TSC1: variants seen among roughly 807,000 people sequenced by gnomAD.
TSC1 encodes hamartin.
TSC1 carries 20 observed loss-of-function variants against 124.3 expected under a neutral mutation model. The ratio of observed to expected loss-of-function variants is 0.16; its 90% CI spans 0.11 to 0.23. The LOEUF (loss-of-function observed/expected upper bound fraction) is 0.23. Ranked by LOEUF, TSC1 falls within the 10% of genes least tolerant of loss-of-function variation. The pLI, the probability that TSC1 is intolerant of heterozygous loss-of-function variation, is 1.00. For synonymous variants in TSC1, 493 were observed against 539.1 expected (o/e 0.91, Z 1.19); for missense variants, 1,124 against 1,448.5 (o/e 0.78, Z 3.64).
At chr9:132,909,870 C>T (rs1845850805) in intron 12 of TSC1, 2 of 152,176 alleles carry the variant, frequency 1.3e-5, no homozygotes. Context: ...GAATGCAAGG[C>T]CTCTTGGGAT....
Position 132,902,924 on chromosome 9 carries a change from T to A in TSC1, c.2209-137A>T. On this transcript the variant is annotated intron_variant, in intron 17 of 22. Transcript: ENST00000298552. The surrounding 1 kb of genome is among the most constrained non-coding windows in gnomAD (Gnocchi z 5.2). Reference sequence around the variant, plus strand: ...AACTACAGACCAAAACTCTTAGAGCTCACTACTGTCTTACTTGGCCTTAGG... The same window carrying A: ...AACTACAGACCAAAACTCTTAGAGCACACTACTGTCTTACTTGGCCTTAGG... 2 of 1,122,712 alleles carry A rather than the reference T, an allele frequency of 1.8e-6. No homozygotes were observed. Among genetic ancestry groups the A allele is most frequent in the South Asian group, 1.3e-5 (1 of 78,232 alleles). 69.5% of individuals were successfully genotyped at this position (1,122,712 alleles called of 1,614,324 possible). A position where few individuals can be genotyped will look rare whatever the true frequency, so the allele number is the denominator to read the frequency against.
intron 12 of TSC1, among the ~76,000 whole-genome samples, chr9:132,907,792 A>G (rs1845750406): frequency 6.6e-6 from 1 of 152,200 alleles, no homozygotes; most frequent in Non-Finnish European, 1.5e-5. Context: ...TATAGTCTTA[A>G]AAAATGGCTG....
intron 2 of TSC1, among the ~76,000 whole-genome samples, chr9:132,933,929 T>C (rs1847330010): frequency 6.6e-6 from 1 of 152,156 alleles, no homozygotes; most frequent in African/African-American, 2.4e-5. Flanking sequence ...AAAGGAACAG[T>C]ATGAAGTATA....
intron 8 of TSC1, among the ~76,000 whole-genome samples, chr9:132,917,674 C>T (rs913748909): frequency 6.6e-6 from 1 of 152,202 alleles, no homozygotes; most frequent in African/African-American, 2.4e-5. Context: ...GCTGGGACTT[C>T]CTGAACTGAT....
At chr9:132,927,175 A>T in intron 4 of TSC1, 26 bp downstream of exon 4, 2 of 1,609,190 alleles carry the variant, frequency 1.2e-6, no homozygotes, top group Non-Finnish European at 8.5e-7. Flanking sequence ...GAACATATGA[A>T]ATGCCTATGA....
chr9:132,920,893 G>C (rs553397011), intron 8 of TSC1, among the ~76,000 whole-genome samples: 4 of 151,936 alleles, frequency 2.6e-5, no homozygotes, highest in Admixed American at 6.5e-5. Flanking sequence ...ATACCTGGGG[G>C]CCTCTGTAGG....
In TSC1 at chr9:132,892,138, A is replaced by G. The variant is rs1207513155; in HGVS notation, c.*4097T>C. 4.3e-6 allele frequency: 1 copy of G among 233,232 alleles called. No homozygotes were observed. The highest frequency in any genetic ancestry group is 5.6e-5 in the Admixed American group (1 of 17,792). 14.4% of individuals were successfully genotyped at this position (233,232 alleles called of 1,614,324 possible). A position where few individuals can be genotyped will look rare whatever the true frequency, so the allele number is the denominator to read the frequency against. On this transcript the variant is annotated 3_prime_UTR_variant, in exon 23 of 23. Coordinates refer to ENST00000298552, the MANE Select transcript of TSC1 (RefSeq NM_000368.5). Reference sequence around the variant, plus strand: ...GATAAGGACTGCAGGACGGCATGGAAGAGACAGGAACACGCTCCCCTGGGC... The same window carrying G: ...GATAAGGACTGCAGGACGGCATGGAGGAGACAGGAACACGCTCCCCTGGGC...
In TSC1 at chr9:132,903,501, CCATT is replaced by C; in HGVS notation, c.2208+146_2208+149del. 1 of 1,052,930 alleles carries C rather than the reference CCATT, an allele frequency of 9.5e-7. No homozygotes were observed. Among genetic ancestry groups the C allele is most frequent in the Non-Finnish European group, 1.4e-6 (1 of 697,224 alleles). The allele number at this position is 1,052,930 out of a possible 1,614,324, so 65.2% of individuals were successfully genotyped here. ...ATTATGAGGGAATTCCGAGGTGTCA[CCATT>C]CATGTCTTAATCTCAAGCGACCTGC... is the stretch of plus-strand genomic sequence containing the variant. On this transcript the variant is annotated intron_variant, in intron 17 of 22. Transcript: ENST00000298552. The surrounding 1 kb of genome is among the most constrained non-coding windows in gnomAD (Gnocchi z 5.9).
At chr9:132,900,649 G>C (rs1479529992) in intron 20 of TSC1, 66 bp downstream of exon 20, 1 of 1,609,268 alleles carries the variant, frequency 6.2e-7, no homozygotes, top group East Asian at 2.2e-5. Flanking sequence ...ATGCCATGCG[G>C]GAGACATACT....
chr9:132,932,882 A>G (rs1183819728), intron 2 of TSC1, among the ~76,000 whole-genome samples: 1 of 152,204 alleles, frequency 6.6e-6, no homozygotes, highest in African/African-American at 2.4e-5. Flanking sequence ...TCACTTTTCA[A>G]TAAAAGATAC....
intron 2 of TSC1, among the ~76,000 whole-genome samples, chr9:132,930,465 G>C (rs1182176091): frequency 6.6e-6 from 1 of 151,752 alleles, no homozygotes; most frequent in East Asian, 1.9e-4. Context: ...GCGTGTGCCT[G>C]TAGTCCCACC....
intron 12 of TSC1, 48 bp from the exon 13 acceptor site, chr9:132,907,418 A>G (rs1385744530): frequency 1.9e-5 from 28 of 1,463,584 alleles, no homozygotes; most frequent in African/African-American, 2.8e-5. Context: ...AATGTTGCAC[A>G]TGTTCTCGAG....
rs779584449 is a variant in TSC1 at position 132,904,422 on chromosome 9, G to A, written c.2030C>T (p.Thr677Ile). 5 of 1,613,928 alleles carry A rather than the reference G, an allele frequency of 3.1e-6. No homozygotes were observed. The African/African-American group carries it at 6.7e-5, about 22-fold the overall frequency. Residue 677 changes from threonine to isoleucine, a missense_variant, in exon 16 of 23, where the codon ACC (threonine) becomes ATC (isoleucine). Thr to Ile is a moderately conservative substitution (Grantham distance 89, BLOSUM62 -1). This residue lies in a region of TSC1 where 321 missense variants were observed against 397.4 expected (regional missense o/e 0.81). Coordinates refer to ENST00000298552, the MANE Select transcript of TSC1 (RefSeq NM_000368.5). ...AGTAACAACTTTACCTCCAAAGTGG[G>A]TCCAGTCGACAGACTTGCTGGGTAA... ...LPLPSKSVDW[T>I]HFGGSPPSDE...
chr9:132,905,242 C>A (rs1432260263), intron 15 of TSC1, among the ~76,000 whole-genome samples: 1 of 152,146 alleles, frequency 6.6e-6, no homozygotes, highest in South Asian at 2.1e-4. Context: ...TTCTTATATT[C>A]TTTGAAATAC....
chr9:132,941,960 T>C (rs1283813526), intron 1 of TSC1: 1 of 152,216 alleles, frequency 6.6e-6, no homozygotes, highest in Non-Finnish European at 1.5e-5. Flanking sequence ...TCAAAAGCTA[T>C]CTGACTCTCT....
intron 1 of TSC1, chr9:132,940,592 T>C (rs934610899): frequency 6.6e-6 from 1 of 152,148 alleles, no homozygotes; most frequent in African/African-American, 2.4e-5. Context: ...ACCAAAAAGG[T>C]TCATATCCCA....
Position 132,911,483 on chromosome 9 carries a change from T to C in TSC1, c.999A>G (p.Pro333=), listed in dbSNP as rs1192409248. The C allele has an allele frequency of 1.2e-6, 2 of 1,613,770 alleles. No individual in the cohort carries two copies. Among genetic ancestry groups the C allele is most frequent in the Non-Finnish European group, 1.7e-6 (2 of 1,179,834 alleles). The change falls in exon 10 of 23, where the codon CCA becomes CCG. Residue 333 remains proline (P), a synonymous_variant. Transcript: ENST00000298552. Reference sequence around the variant, plus strand: ...GTGGTTCAGTTATCAGCCGTGTCGATGGGGAACTCAGAGTCTGAGGTAGCT... The same window carrying C: ...GTGGTTCAGTTATCAGCCGTGTCGACGGGGAACTCAGAGTCTGAGGTAGCT... The part of the protein sequence containing the change: ...PGQLPQTLSS[P]STRLITEPPQ...
At position 132,927,069 on chromosome 9, in the gene TSC1, C is replaced by T. The variant is rs1332863578; in HGVS notation, c.210+132G>A. ...AGTAATTTTTATATGTAGTTATAAA[C>T]TGGGAACAATGTCATCAGTGGCGCA... On this transcript the variant is annotated intron_variant, in intron 4 of 22. Coordinates refer to ENST00000298552, the MANE Select transcript of TSC1 (RefSeq NM_000368.5). 9 of 857,672 alleles carry T rather than the reference C, an allele frequency of 1.0e-5. No individual in the cohort carries two copies. The African/African-American group carries it at 1.3e-4, about 13-fold the overall frequency. The allele number at this position is 857,672 out of a possible 1,614,324, so 53.1% of individuals were successfully genotyped here.
intron 3 of TSC1, among the ~76,000 whole-genome samples, chr9:132,927,771 C>T (rs1332776202): frequency 6.6e-6 from 1 of 152,132 alleles, no homozygotes; most frequent in Admixed American, 6.5e-5. Context: ...GTGATCCGCC[C>T]GCCTCGGCCT....
Sources: allele counts gnomAD v4.1 joint callset (sites outside exome capture counted in the v4.1 genomes callset), GRCh38; gene constraint gnomAD v4.1.1; regional missense constraint gnomAD v4.1.1; non-coding constraint Gnocchi (gnomAD v3.1); transcripts MANE v1.5; gene names NCBI Gene and HGNC (gene_info 2026-07-23, HGNC 2026-07-21).